The following SERPINE3 variants were observed in gnomAD, a reference collection of about 807,000 sequenced individuals.
SERPINE3 encodes the protein serpin family E member 3.
In SERPINE3, 43 loss-of-function variants were observed where a neutral mutation model predicts 41.7. That is an observed-to-expected ratio of 1.03 (90% confidence interval 0.81 to 1.33). The LOEUF (loss-of-function observed/expected upper bound fraction) is 1.33, where lower values mean the gene tolerates loss of function less well. Ranked by LOEUF, SERPINE3 falls within the 40% of genes most tolerant of loss-of-function variation. The probability of loss-of-function intolerance (pLI) is 0.00; values close to 1 mark genes in which losing one functional copy is unlikely to be tolerated. For missense variants in SERPINE3, 440 were observed against 491.7 expected, an observed-to-expected ratio of 0.89 and a Z score of 0.99; for synonymous variants, 200 against 192.2, an observed-to-expected ratio of 1.04 and a Z score of -0.34.
rs1384358791 is a variant in SERPINE3, at chr13:51,348,362, C to A, written c.850C>A (p.Leu284Ile). ...ACACCTCACAGCCAGCACCATCCACCTCTGGACCACCAGCCTGAGGAGAGC... is the reference window on the plus strand; with the variant it reads ...ACACCTCACAGCCAGCACCATCCACATCTGGACCACCAGCCTGAGGAGAGC... ...EPHLTASTIH[L>I]WTTSLRRARM... Residue 284 changes from leucine to isoleucine, a missense_variant, in exon 6 of 10, where the codon CTC becomes ATC. Coordinates refer to ENST00000681248, the MANE Select transcript of SERPINE3 (RefSeq NM_001386375.1). The A allele has an allele frequency of 6.8e-6, 11 of 1,613,958 alleles. No individual in the cohort carries two copies. Among genetic ancestry groups the A allele is most frequent in the African/African-American group, 1.3e-5 (1 of 75,050 alleles).
In SERPINE3 at chr13:51,344,363, T is replaced by C. The variant is rs750266810; in HGVS notation, c.368T>C (p.Leu123Pro). 6.2e-7 allele frequency: 1 copy of C among 1,613,594 alleles called. No individual in the cohort carries two copies. Among genetic ancestry groups the C allele is most frequent in the Non-Finnish European group, 8.5e-7 (1 of 1,179,788 alleles). The change falls in exon 4 of 10, where the codon CTG (leucine) becomes CCG (proline). Residue 123 changes from leucine (L) to proline (P), a missense_variant. Transcript: ENST00000681248. ...CTTTTTGTGCAAGTGGGAACGCCACTGTCCCCCTGCTTTGTGGAGCACGTC... is the reference window on the plus strand; with the variant it reads ...CTTTTTGTGCAAGTGGGAACGCCACCGTCCCCCTGCTTTGTGGAGCACGTC... The part of the protein sequence containing the change: ...CSLFVQVGTP[L>P]SPCFVEHVSW...
intron 4 of SERPINE3, among the ~76,000 whole-genome samples, chr13:51,345,333 T>C (rs1043094259): frequency 6.6e-6 from 1 of 151,980 alleles, no homozygotes; most frequent in Non-Finnish European, 1.5e-5. Context: ...CCAGTGTTGG[T>C]TAAAAAGCAA....
intron 6 of SERPINE3, among the ~76,000 whole-genome samples, chr13:51,352,257 T>C (rs972246977): frequency 6.6e-6 from 1 of 152,126 alleles, no homozygotes. Context: ...TATCTTTCCT[T>C]CCATTTAGGT....
chr13:51,358,655 G>A (rs1313328294), intron 7 of SERPINE3, among the ~76,000 whole-genome samples: 1 of 152,068 alleles, frequency 6.6e-6, no homozygotes, highest in Non-Finnish European at 1.5e-5. Flanking sequence ...TATTTTTAAT[G>A]TAAGTTGGGC....
intron 6 of SERPINE3, among the ~76,000 whole-genome samples, chr13:51,351,978 A>G (rs1165441067): frequency 6.6e-6 from 1 of 152,118 alleles, no homozygotes; most frequent in Non-Finnish European, 1.5e-5. Context: ...TGGACTTTCA[A>G]TTCTATCCTA....
chr13:51,354,994 T>C (rs1332056246), intron 6 of SERPINE3, 49 bp from the exon 7 acceptor site: 2 of 911,990 alleles, frequency 2.2e-6, no homozygotes, highest in Admixed American at 2.0e-5. Context: ...TGTATGAAAG[T>C]ATATTGAGTG....
chr13:51,362,035 T>G (rs763139113), intron 9 of SERPINE3, 142 bp downstream of exon 9: 1 of 1,591,840 alleles, frequency 6.3e-7, no homozygotes, highest in Admixed American at 1.9e-5. Context: ...CCAGTTGCTA[T>G]CTTCTATCCT....
rs1955284319 is a variant in SERPINE3 at position 51,341,069 on chromosome 13, T to C, written c.-17-6T>C. 6.2e-7 allele frequency: 1 copy of C among 1,609,474 alleles called. No individual in the cohort carries two copies. The highest frequency in any genetic ancestry group is 1.1e-5 in the South Asian group (1 of 90,572). On this transcript the variant is annotated splice_polypyrimidine_tract_variant and splice_region_variant and intron_variant, in intron 2 of 9. Transcript: ENST00000681248. ...CTACCCTGCATCTCTTCCCTCTGAA[T>C]TGCAGGAACCCTCCCAGCCTCCATG...
At position 51,364,362 on chromosome 13, in the gene SERPINE3, A is replaced by C; in HGVS notation, c.*80A>C. 2 of 758,248 alleles carry C rather than the reference A, an allele frequency of 2.6e-6. No individual in the cohort carries two copies. The highest frequency in any genetic ancestry group is 4.1e-6 in the Non-Finnish European group (2 of 491,570). 47.0% of individuals were successfully genotyped at this position (758,248 alleles called of 1,614,324 possible). ...TTGCTATACCCTTGAAATTTAAAAA[A>C]ATGTCTGATAAAGTGTAAAAAGCTA... is the stretch of plus-strand genomic sequence containing the variant. On this transcript the variant is annotated 3_prime_UTR_variant, in exon 10 of 10. Coordinates refer to ENST00000681248, the MANE Select transcript of SERPINE3 (RefSeq NM_001386375.1).
chr13:51,346,449 C>G (rs1476452435), intron 4 of SERPINE3, among the ~76,000 whole-genome samples: 1 of 152,148 alleles, frequency 6.6e-6, no homozygotes, highest in Non-Finnish European at 1.5e-5. Flanking sequence ...GAGCAGCATC[C>G]CAACCTGTTC....
intron 3 of SERPINE3, among the ~76,000 whole-genome samples, chr13:51,343,453 T>C (rs917816860): frequency 6.6e-6 from 1 of 152,072 alleles, no homozygotes; most frequent in African/African-American, 2.4e-5. Flanking sequence ...AATAATAACA[T>C]GAAAACAAAA....
chr13:51,355,189 C>T (rs973575804), intron 7 of SERPINE3, 46 bp downstream of exon 7: 2 of 818,542 alleles, frequency 2.4e-6, no homozygotes, highest in Non-Finnish European at 3.9e-6. Flanking sequence ...GTATTTGGGG[C>T]AGTTTTATCA....
At chr13:51,354,591 G>GAAA (rs11318595) in intron 6 of SERPINE3, among the ~76,000 whole-genome samples, 1 of 129,998 alleles carries the variant, frequency 7.7e-6, no homozygotes, top group African/African-American at 2.9e-5. Flanking sequence ...CCCCATCTCA[G>GAAA]AAAAAAAAAA....
intron 5 of SERPINE3, 148 bp from the exon 6 acceptor site, chr13:51,348,065 C>A: frequency 1.6e-6 from 1 of 623,810 alleles, no homozygotes; most frequent in Non-Finnish European, 2.8e-6. Context: ...GCCCAACAGT[C>A]TTTGGCCTGA....
At chr13:51,344,195 T>C (rs1955321826) in intron 3 of SERPINE3, 57 bp from the exon 4 acceptor site, 2 of 1,282,028 alleles carry the variant, frequency 1.6e-6, no homozygotes, top group Admixed American at 3.7e-5. Flanking sequence ...CTGGAGGTTG[T>C]GCTAACTCCT....
chr13:51,364,316 T>G lies in SERPINE3; in HGVS notation c.*34T>G. 1 of 1,294,682 alleles carries G rather than the reference T, an allele frequency of 7.7e-7. No individual in the cohort carries two copies. The highest frequency in any genetic ancestry group is 1.1e-6 in the Non-Finnish European group (1 of 945,152). The allele number at this position is 1,294,682 out of a possible 1,614,324, so 80.2% of individuals were successfully genotyped here. Reference sequence around the variant, plus strand: ...TCTCCACTTTCATCAATGCTTTTCTTCATAAAGTTATAATTTCATTTTGCT... The same window carrying G: ...TCTCCACTTTCATCAATGCTTTTCTGCATAAAGTTATAATTTCATTTTGCT... On this transcript the variant is annotated 3_prime_UTR_variant, in exon 10 of 10. Coordinates refer to ENST00000681248, the MANE Select transcript of SERPINE3 (RefSeq NM_001386375.1).
In SERPINE3 at chr13:51,364,508, C is replaced by T; in HGVS notation, c.*226C>T. 2 of 438,324 alleles carry T rather than the reference C, an allele frequency of 4.6e-6. No individual in the cohort carries two copies. Among genetic ancestry groups the T allele is most frequent in the Non-Finnish European group, 8.1e-6 (2 of 247,646 alleles). 27.2% of individuals were successfully genotyped at this position (438,324 alleles called of 1,614,324 possible). On this transcript the variant is annotated 3_prime_UTR_variant, in exon 10 of 10. Transcript: ENST00000681248. ...ACCTTCTTTTCTACTGCTTACCCCC[C>T]AAACCACTAAAAGGCACAGCAGTGA...
chr13:51,361,841 T>G lies in SERPINE3; in HGVS notation c.1119T>G (p.Pro373=), dbSNP rs1425146465. 1 of 1,610,722 alleles carries G rather than the reference T, an allele frequency of 6.2e-7. No homozygotes were observed. Among genetic ancestry groups the G allele is most frequent in the East Asian group, 2.2e-5 (1 of 44,786 alleles). The change falls in exon 9 of 10, where the codon CCT becomes CCG. Residue 373 remains proline (P), a synonymous_variant. Coordinates refer to ENST00000681248, the MANE Select transcript of SERPINE3 (RefSeq NM_001386375.1). ...ALLLLKRSRI[P]IFKADRPFIY... is the part of the protein sequence containing the mutation. ...TGTTATTGAAAAGGTCTCGGATTCC[T>G]ATTTTTAAAGCAGATCGGCCATTCA...
chr13:51,343,840 A>G (rs1176777589), intron 3 of SERPINE3, among the ~76,000 whole-genome samples: 1 of 152,216 alleles, frequency 6.6e-6, no homozygotes. Context: ...AACATTGCAC[A>G]TAAATCTCCT....
Sources: gnomAD v4.1 joint callset for allele counts (sites outside exome capture counted in the v4.1 genomes callset) on GRCh38, gnomAD v4.1.1 for gene constraint, MANE v1.5 for transcripts, NCBI Gene and HGNC (gene_info 2026-07-23, HGNC 2026-07-21) for gene names.